Variants in FHIT observed in about 807,000 individuals in gnomAD.
FHIT encodes bis(5'-adenosyl)-triphosphatase.
Under a neutral mutation model 17.9 loss-of-function variants are expected in FHIT, and 19 were observed. The ratio of observed to expected loss-of-function variants is 1.06; its 90% CI spans 0.74 to 1.56. The LOEUF (loss-of-function observed/expected upper bound fraction) is 1.56. Among genes scored for constraint, FHIT ranks in the 40% most tolerant of loss-of-function variants. FHIT has a pLI of 0.00. For synonymous variants in FHIT, 81 were observed against 69.7 expected (o/e 1.16, Z -0.81); for missense variants, 248 against 189.2 (o/e 1.31, Z -1.82).
At chr3:60,590,818 CTT>C (rs2038060167) in intron 4 of FHIT, among the ~76,000 whole-genome samples, 1 of 152,090 alleles carries the variant, frequency 6.6e-6, no homozygotes, top group African/African-American at 2.4e-5. Flanking sequence ...GAACTGATGA[CTT>C]AAACGCAAAG....
At position 60,457,875 on chromosome 3, in the gene FHIT, A is replaced by G. The variant is rs368577547; in HGVS notation, c.103+78985T>C. ...CATCAGAGAAATGCAAATCAAAACCACAATGAGATACCATCTCACACCAGT... is the reference window on the plus strand; with the variant it reads ...CATCAGAGAAATGCAAATCAAAACCGCAATGAGATACCATCTCACACCAGT... On this transcript the variant is annotated intron_variant, in intron 5 of 9. Coordinates refer to ENST00000492590, the MANE Select transcript of FHIT (RefSeq NM_002012.4). 9.4e-3 allele frequency among the ~76,000 whole-genome samples: 1,427 copies of G among 152,298 alleles called. 14 individuals are homozygous for G. The highest frequency in any genetic ancestry group is 0.035 in the East Asian group (179 of 5,182).
At chr3:60,889,178 A>G (rs1329300250) in intron 3 of FHIT, among the ~76,000 whole-genome samples, 1 of 151,934 alleles carries the variant, frequency 6.6e-6, no homozygotes, top group African/African-American at 2.4e-5. Flanking sequence ...TTTTCCCTCC[A>G]AAGCACTCAC....
chr3:61,044,214 C>A (rs1055289614), intron 2 of FHIT, among the ~76,000 whole-genome samples: 1 of 152,078 alleles, frequency 6.6e-6, no homozygotes, highest in Non-Finnish European at 1.5e-5. Flanking sequence ...GAACCCATCA[C>A]AAAGAAGCTA....
At chr3:59,925,736 A>G (rs1417513257) in intron 7 of FHIT, among the ~76,000 whole-genome samples, 4 of 152,210 alleles carry the variant, frequency 2.6e-5, no homozygotes, top group Admixed American at 6.5e-5. Flanking sequence ...CCGAGGGCAT[A>G]GATCTCAACC....
intron 3 of FHIT, among the ~76,000 whole-genome samples, chr3:61,022,904 A>G (rs2107650073): frequency 6.6e-6 from 1 of 152,348 alleles, no homozygotes; most frequent in Non-Finnish European, 1.5e-5. Flanking sequence ...AATGAGCAAA[A>G]GCTGGAAGCA....
chr3:60,572,325 ATTCT>A (rs1249851970), intron 4 of FHIT, among the ~76,000 whole-genome samples: 4 of 150,616 alleles, frequency 2.7e-5, no homozygotes, highest in African/African-American at 7.5e-5. Flanking sequence ...CATATATATA[ATTCT>A]TTCTTTTTAA....
chr3:60,316,120 T>C (rs1427433811), intron 5 of FHIT, among the ~76,000 whole-genome samples: 1 of 152,212 alleles, frequency 6.6e-6, no homozygotes, highest in African/African-American at 2.4e-5. Context: ...TTGTAATAAA[T>C]ATGCAGAAAT....
intron 5 of FHIT, among the ~76,000 whole-genome samples, chr3:60,036,472 G>C (rs1456509683): frequency 6.6e-6 from 1 of 152,164 alleles, no homozygotes; most frequent in Non-Finnish European, 1.5e-5. Context: ...TGTATAATGA[G>C]AGTTTCATCT....
At chr3:60,217,842 C>G (rs1477412928) in intron 5 of FHIT, among the ~76,000 whole-genome samples, 1 of 152,196 alleles carries the variant, frequency 6.6e-6, no homozygotes, top group African/African-American at 2.4e-5. Flanking sequence ...AGGAATTACT[C>G]TGCAATCAAC....
At chr3:59,867,168 A>G (rs1342860932) in intron 8 of FHIT, among the ~76,000 whole-genome samples, 4 of 144,042 alleles carry the variant, frequency 2.8e-5, no homozygotes, top group African/African-American at 1.1e-4. Flanking sequence ...CTTAATAATC[A>G]GCAGAACCAC....
chr3:61,029,045 C>T (rs1234327571), intron 3 of FHIT, among the ~76,000 whole-genome samples: 1 of 152,140 alleles, frequency 6.6e-6, no homozygotes, highest in Admixed American at 6.5e-5. Context: ...TTCAAATATA[C>T]ACTCATTCCT....
At position 60,861,224 on chromosome 3, in the gene FHIT, T is replaced by TATATGATATATCATATCATATATGATAC. The variant is rs1559781960; in HGVS notation, c.-110-39241_-110-39214dup. 3.1e-3 allele frequency among the ~76,000 whole-genome samples: 101 copies of TATATGATATATCATATCATATATGATAC among 32,494 alleles called. 13 individuals are homozygous for TATATGATATATCATATCATATATGATAC. Among genetic ancestry groups the TATATGATATATCATATCATATATGATAC allele is most frequent in the Admixed American group, 4.3e-3 (10 of 2,344 alleles). 21.3% of individuals were successfully genotyped at this position (32,494 alleles called of 152,430 possible). A position where few individuals can be genotyped will look rare whatever the true frequency, so the allele number is the denominator to read the frequency against. Reference sequence around the variant, plus strand: ...TATGATATATATGATATATATGATATATATGATATATCATATCATATATGA... The same window carrying TATATGATATATCATATCATATATGATAC: ...TATGATATATATGATATATATGATATATATGATATATCATATCATATATGATACATATGATATATCATATCATATATGA... On this transcript the variant is annotated intron_variant, in intron 3 of 9. Coordinates refer to ENST00000492590, the MANE Select transcript of FHIT (RefSeq NM_002012.4).
At chr3:60,459,131 T>C (rs2032302367) in intron 5 of FHIT, among the ~76,000 whole-genome samples, 1 of 152,154 alleles carries the variant, frequency 6.6e-6, no homozygotes. Flanking sequence ...TGTGTTTAGA[T>C]GTCATACTCA....
chr3:61,213,279 A>C (rs148440798), intron 1 of FHIT, among the ~76,000 whole-genome samples: 18 of 152,154 alleles, frequency 1.2e-4, no homozygotes, highest in East Asian at 1.9e-4. Flanking sequence ...TGCAGAGACA[A>C]ACATAGGCTC....
At chr3:60,972,100 C>G (rs1442931507) in intron 3 of FHIT, among the ~76,000 whole-genome samples, 1 of 152,112 alleles carries the variant, frequency 6.6e-6, no homozygotes, top group East Asian at 1.9e-4. Context: ...AGTTATAGGA[C>G]TTACACTCCA....
intron 2 of FHIT, among the ~76,000 whole-genome samples, chr3:61,062,515 C>A (rs529342855): frequency 6.6e-6 from 1 of 152,012 alleles, no homozygotes; most frequent in Non-Finnish European, 1.5e-5. Flanking sequence ...TCTCTTGAAA[C>A]CTAGACCAAA....
At chr3:59,922,698 G>C (rs532323919) in intron 7 of FHIT, among the ~76,000 whole-genome samples, 1 of 152,150 alleles carries the variant, frequency 6.6e-6, no homozygotes, top group African/African-American at 2.4e-5. Flanking sequence ...CTTGGTTGTA[G>C]TTAGCCAGTG....
intron 4 of FHIT, among the ~76,000 whole-genome samples, chr3:60,589,046 G>A (rs543766150): frequency 1.3e-5 from 2 of 152,064 alleles, no homozygotes; most frequent in East Asian, 1.9e-4. Flanking sequence ...GGGTTCTACC[G>A]GGCAGGTGAC....
At position 60,665,944 on chromosome 3, in the gene FHIT, GT is replaced by G. The variant is rs536252768; in HGVS notation, c.-17-128966del. Among the ~76,000 whole-genome samples, 30 of 152,108 alleles carry G rather than the reference GT, an allele frequency of 2.0e-4. No individual in the cohort carries two copies. In the South Asian group the frequency reaches 4.8e-3, roughly 24 times the overall value. ...GTTTTGGGAAGTACTTCTTTGTATA[GT>G]TTTCACTGTGGTTTCCCTGAGTACT... On this transcript the variant is annotated intron_variant, in intron 4 of 9. Transcript: ENST00000492590.
Sources: gnomAD v4.1 joint callset for allele counts (sites outside exome capture counted in the v4.1 genomes callset) on GRCh38, gnomAD v4.1.1 for gene constraint, MANE v1.5 for transcripts, NCBI Gene and HGNC (gene_info 2026-07-23, HGNC 2026-07-21) for gene names.